Variants in SLC14A2 observed in about 807,000 individuals in gnomAD.
SLC14A2 encodes urea transporter 2.
A neutral mutation model predicts 104.6 loss-of-function variants in SLC14A2; 91 were observed. That is an observed-to-expected ratio of 0.87 (90% confidence interval 0.73 to 1.04). The LOEUF (loss-of-function observed/expected upper bound fraction) is 1.04, where lower values mean the gene tolerates loss of function less well. Among genes scored for constraint, SLC14A2 ranks in the 50% least tolerant of loss-of-function variants. The pLI, the probability that SLC14A2 is intolerant of heterozygous loss-of-function variation, is 0.00. For missense variants in SLC14A2, 1,189 were observed against 1,156.0 expected (o/e 1.03, Z -0.41); for synonymous variants, 476 against 466.4 (o/e 1.02, Z -0.27).
intron 1 of SLC14A2, among the ~76,000 whole-genome samples, chr18:45,278,386 A>T (rs1405114672): frequency 6.6e-6 from 1 of 152,218 alleles, no homozygotes; most frequent in African/African-American, 2.4e-5. Context: ...ACCAGATGCC[A>T]ATAGCACCCA....
At chr18:45,438,168 C>G (rs114722537) in intron 1 of SLC14A2, 1 of 152,260 alleles carries the variant, frequency 6.6e-6, no homozygotes, top group South Asian at 2.1e-4. Context: ...AGGTACTCAG[C>G]GAATATTTGT....
intron 2 of SLC14A2, among the ~76,000 whole-genome samples, chr18:45,535,581 TGGGA>T: frequency 6.6e-6 from 1 of 152,310 alleles, no homozygotes; most frequent in African/African-American, 2.4e-5. Context: ...ATAATGGGGC[TGGGA>T]TTGAACCTAG....
At chr18:45,442,753 A>G (rs9965324) in intron 1 of SLC14A2, among the ~76,000 whole-genome samples, 1,629 of 152,334 alleles carry the variant, frequency 0.011, 24 homozygotes, top group African/African-American at 0.037. Flanking sequence ...GCTTAATTAC[A>G]AATTAAGTGT....
At chr18:45,543,711 A>G (rs2043924443) in intron 2 of SLC14A2, among the ~76,000 whole-genome samples, 1 of 152,260 alleles carries the variant, frequency 6.6e-6, no homozygotes, top group South Asian at 2.1e-4. Flanking sequence ...TTGGTACAGA[A>G]AAAAAGGAAA....
intron 2 of SLC14A2, among the ~76,000 whole-genome samples, chr18:45,541,815 T>C (rs1328775328): frequency 6.6e-6 from 1 of 152,140 alleles, no homozygotes; most frequent in Non-Finnish European, 1.5e-5. Context: ...TGGCTGGGGC[T>C]TCATGAGATA....
chr18:45,302,572 A>G (rs1465935420), intron 1 of SLC14A2, among the ~76,000 whole-genome samples: 1 of 152,192 alleles, frequency 6.6e-6, no homozygotes, highest in Non-Finnish European at 1.5e-5. Context: ...ATTCTCTAGG[A>G]ACAGAGGTCT....
chr18:45,592,809 C>CATGTCTGGGTTATGT (rs1236004797), intron 2 of SLC14A2, among the ~76,000 whole-genome samples: 1 of 152,208 alleles, frequency 6.6e-6, no homozygotes, highest in Non-Finnish European at 1.5e-5. Context: ...CTTGCTCTCC[C>CATGTCTGGGTTATGT]ATGTCTGGGT....
chr18:45,401,962 C>G (rs1370360666), intron 1 of SLC14A2, among the ~76,000 whole-genome samples: 4 of 152,190 alleles, frequency 2.6e-5, no homozygotes, highest in African/African-American at 9.7e-5. Context: ...GCGTTGACAT[C>G]CCCAGATGGC....
At chr18:45,225,398 T>C (rs1396774808) in intron 1 of SLC14A2, among the ~76,000 whole-genome samples, 1 of 152,180 alleles carries the variant, frequency 6.6e-6, no homozygotes, top group Non-Finnish European at 1.5e-5. Context: ...ACTGTAGCCA[T>C]GCAGTATAGT....
intron 2 of SLC14A2, among the ~76,000 whole-genome samples, chr18:45,562,469 A>G (rs1191720001): frequency 6.6e-6 from 1 of 152,270 alleles, no homozygotes; most frequent in East Asian, 1.9e-4. Context: ...AATAGGAGAG[A>G]GGGCATTCCT....
chr18:45,677,378 G>C (rs908812071), intron 18 of SLC14A2, among the ~76,000 whole-genome samples: 3 of 152,108 alleles, frequency 2.0e-5, no homozygotes, highest in Non-Finnish European at 4.4e-5. Context: ...CTCTATTCGG[G>C]GGCCTTGGTA....
chr18:45,673,552 G>A, intron 17 of SLC14A2, 131 bp from the exon 18 acceptor site: 1 of 977,528 alleles, frequency 1.0e-6, no homozygotes, highest in Non-Finnish European at 1.5e-6. Flanking sequence ...AATAAAGCCA[G>A]AAGTCCTTTT....
At position 45,672,995 on chromosome 18, in the gene SLC14A2, A is replaced by C; in HGVS notation, c.2325A>C (p.Ser775=). 3 of 1,613,782 alleles carry C rather than the reference A, an allele frequency of 1.9e-6. No individual in the cohort carries two copies. Among genetic ancestry groups the C allele is most frequent in the Non-Finnish European group, 2.5e-6 (3 of 1,179,938 alleles). ...GIFLIALFIS[S]PLICLHAAIG... Reference sequence around the variant, plus strand: ...TCCTCATAGCTCTGTTCATATCCTCACCTCTCATTTGCTTGCATGCAGCAA... The same window carrying C: ...TCCTCATAGCTCTGTTCATATCCTCCCCTCTCATTTGCTTGCATGCAGCAA... Residue 775 remains serine, a synonymous_variant, in exon 17 of 20, where the codon TCA becomes TCC. Transcript: ENST00000255226.
intron 8 of SLC14A2, among the ~76,000 whole-genome samples, chr18:45,642,690 A>G (rs1347683440): frequency 6.6e-6 from 1 of 152,216 alleles, no homozygotes; most frequent in Non-Finnish European, 1.5e-5. Flanking sequence ...CTTGGTGAAC[A>G]TCAAGCAGCA....
chr18:45,187,663 T>A, the SLC14A2 span, among the ~76,000 whole-genome samples: 2 of 152,160 alleles, frequency 1.3e-5, no homozygotes, highest in East Asian at 3.9e-4. Context: ...CTTATGCCCG[T>A]CCAGAAAATT....
chr18:45,542,622 A>G (rs1037087714), intron 2 of SLC14A2, among the ~76,000 whole-genome samples: 2 of 152,212 alleles, frequency 1.3e-5, no homozygotes, highest in African/African-American at 4.8e-5. Flanking sequence ...ACTGACTTCC[A>G]TTACTAAGTC....
At chr18:45,279,152 T>C (rs1263278065) in intron 1 of SLC14A2, among the ~76,000 whole-genome samples, 2 of 152,148 alleles carry the variant, frequency 1.3e-5, no homozygotes, top group Admixed American at 1.3e-4. Context: ...GACTGTCCAG[T>C]GGGCCAGGTT....
chr18:45,663,566 A>G (rs551508528), intron 10 of SLC14A2, among the ~76,000 whole-genome samples: 211 of 152,332 alleles, frequency 1.4e-3, no homozygotes, highest in Non-Finnish European at 2.6e-3. Context: ...TTGACAGACT[A>G]TAACTTGGGT....
intron 2 of SLC14A2, among the ~76,000 whole-genome samples, chr18:45,549,108 C>T (rs971579320): frequency 2.6e-5 from 4 of 152,198 alleles, no homozygotes; most frequent in South Asian, 2.1e-4. Flanking sequence ...TATGGATATG[C>T]GATGCTGCTC....
Sources: gnomAD v4.1 joint callset for allele counts (sites outside exome capture counted in the v4.1 genomes callset) on GRCh38, gnomAD v4.1.1 for gene constraint, MANE v1.5 for transcripts, NCBI Gene and HGNC (gene_info 2026-07-23, HGNC 2026-07-21) for gene names.